SYBU: variants seen among roughly 807,000 people sequenced by gnomAD.
The protein encoded by SYBU is syntabulin.
A neutral mutation model predicts 35.9 loss-of-function variants in SYBU; 21 were observed. The observed-to-expected ratio is 0.58, with a 90% CI of 0.41 to 0.84. The LOEUF (loss-of-function observed/expected upper bound fraction) is 0.84. Ranked by LOEUF, SYBU falls within the 40% of genes least tolerant of loss-of-function variation. The probability of loss-of-function intolerance (pLI) is 0.00; values close to 1 mark genes in which losing one functional copy is unlikely to be tolerated. For synonymous variants in SYBU, 319 were observed against 324.3 expected (o/e 0.98, Z 0.18); for missense variants, 768 against 848.2 (o/e 0.91, Z 1.17).
chr8:109,626,886 G>A (rs551208894), intron 2 of SYBU, among the ~76,000 whole-genome samples: 14 of 152,244 alleles, frequency 9.2e-5, no homozygotes, highest in South Asian at 2.1e-4. Context: ...TTCTTACACC[G>A]ATTACAGGTA....
At chr8:109,686,975 T>C (rs1417520750) in intron 1 of SYBU, among the ~76,000 whole-genome samples, 1 of 152,176 alleles carries the variant, frequency 6.6e-6, no homozygotes, top group Non-Finnish European at 1.5e-5. Context: ...GTTTGGTTAA[T>C]TTAAAAGCTG....
chr8:109,608,380 T>TAAATTTTATGGCAAACAC (rs775027692), intron 3 of SYBU, among the ~76,000 whole-genome samples: 9 of 152,192 alleles, frequency 5.9e-5, no homozygotes, highest in Non-Finnish European at 1.2e-4. Context: ...CACACAGCCC[T>TAAATTTTATGGCAAACAC]AAATTTTATG....
chr8:109,678,228 G>C (rs1410257663), intron 1 of SYBU, among the ~76,000 whole-genome samples: 1 of 147,122 alleles, frequency 6.8e-6, no homozygotes, highest in Non-Finnish European at 1.5e-5. Flanking sequence ...CTCTTTTAAA[G>C]TTTACTTTTC....
intron 1 of SYBU, 28 bp downstream of exon 1, chr8:109,644,608 A>T: frequency 6.5e-7 from 1 of 1,543,964 alleles, no homozygotes; most frequent in East Asian, 2.4e-5. Context: ...CCCGCCCTCC[A>T]GTGCCCGCAC....
chr8:109,610,698 A>G (rs1351443870), intron 3 of SYBU, among the ~76,000 whole-genome samples: 1 of 152,228 alleles, frequency 6.6e-6, no homozygotes, highest in African/African-American at 2.4e-5. Context: ...AAATAATCCT[A>G]CAGTTCACCA....
intron 2 of SYBU, among the ~76,000 whole-genome samples, chr8:109,623,632 C>G (rs1812678585): frequency 6.6e-6 from 1 of 152,144 alleles, no homozygotes. Flanking sequence ...TATTTCCTCT[C>G]TCTTTACATT....
At chr8:109,608,469 A>G (rs972989592) in intron 3 of SYBU, among the ~76,000 whole-genome samples, 1 of 152,182 alleles carries the variant, frequency 6.6e-6, no homozygotes, top group African/African-American at 2.4e-5. Context: ...AGCTATTTAA[A>G]TATGCATGAC....
intron 2 of SYBU, among the ~76,000 whole-genome samples, chr8:109,627,541 G>A (rs1813123732): frequency 6.6e-6 from 1 of 152,164 alleles, no homozygotes; most frequent in South Asian, 2.1e-4. Context: ...TTGGGAAAAT[G>A]GAGGCTCAGA....
At chr8:109,647,009 C>T (rs549248728), upstream of SYBU, 9 of 152,244 alleles carry the variant, frequency 5.9e-5, no homozygotes, top group South Asian at 2.1e-4. Flanking sequence ...CCTTTCTCTC[C>T]GATCAGTGTC....
chr8:109,684,362 A>G (rs775640900), upstream of SYBU, among the ~76,000 whole-genome samples: 1 of 152,212 alleles, frequency 6.6e-6, no homozygotes, highest in Non-Finnish European at 1.5e-5. Flanking sequence ...ATGATTGATA[A>G]GTTTTCTGGA....
intron 1 of SYBU, among the ~76,000 whole-genome samples, chr8:109,661,333 G>T (rs80096691): frequency 0.019 from 2,933 of 152,242 alleles, 103 homozygotes; most frequent in African/African-American, 0.065. Flanking sequence ...ATTGAACTTT[G>T]TAAATAAAAA....
At chr8:109,665,773 C>T (rs1349241068) in intron 1 of SYBU, among the ~76,000 whole-genome samples, 1 of 152,194 alleles carries the variant, frequency 6.6e-6, no homozygotes, top group Non-Finnish European at 1.5e-5. Flanking sequence ...ATGATTCCTC[C>T]TGCTGGTACA....
chr8:109,671,351 G>A (rs1212639851), intron 1 of SYBU, among the ~76,000 whole-genome samples: 1 of 152,110 alleles, frequency 6.6e-6, no homozygotes, highest in East Asian at 1.9e-4. Flanking sequence ...GATAGAAGGA[G>A]TATACACACA....
At chr8:109,631,893 G>C (rs1291807666) in intron 2 of SYBU, among the ~76,000 whole-genome samples, 1 of 149,942 alleles carries the variant, frequency 6.7e-6, no homozygotes. Flanking sequence ...TTATGGGTTT[G>C]TTTGCAGTTT....
chr8:109,658,032 C>G (rs1816419329), intron 1 of SYBU, among the ~76,000 whole-genome samples: 1 of 152,184 alleles, frequency 6.6e-6, no homozygotes, highest in Non-Finnish European at 1.5e-5. Flanking sequence ...CTGTGGGTTT[C>G]TTTCTTCATT....
intron 3 of SYBU, among the ~76,000 whole-genome samples, chr8:109,592,502 G>T (rs1333522819): frequency 6.6e-6 from 1 of 152,196 alleles, no homozygotes; most frequent in Admixed American, 6.5e-5. Flanking sequence ...GAGCTAGGTA[G>T]CTTGGAAGGT....
chr8:109,599,602 C>A (rs1182854170), intron 3 of SYBU, among the ~76,000 whole-genome samples: 1 of 152,194 alleles, frequency 6.6e-6, no homozygotes, highest in African/African-American at 2.4e-5. Context: ...TCTGCTCTTT[C>A]CCATCCTGAA....
chr8:109,575,265 G>T lies in SYBU; in HGVS notation c.1633C>A (p.Pro545Thr). The T allele has an allele frequency of 6.2e-7, 1 of 1,614,180 alleles. No individual in the cohort carries two copies. Among genetic ancestry groups the T allele is most frequent in the Non-Finnish European group, 8.5e-7 (1 of 1,180,026 alleles). ...AGGATGGCTGAGTTTGGATTTCTTG[G>T]AGTTAAATCAACCACTAAGGCAGAG... ...SLSALVVDLT[P>T]RNPNSAILLS... Residue 545 changes from proline to threonine, a missense_variant, in exon 7 of 7, where the codon CCA (proline) becomes ACA (threonine). Transcript: ENST00000276646.
At chr8:109,654,047 C>T (rs189891360) in intron 1 of SYBU, among the ~76,000 whole-genome samples, 15 of 151,802 alleles carry the variant, frequency 9.9e-5, no homozygotes, top group African/African-American at 3.4e-4. Context: ...TGAACGTTAG[C>T]TATTTTTTTT....
Sources: allele counts gnomAD v4.1 joint callset (sites outside exome capture counted in the v4.1 genomes callset), GRCh38; gene constraint gnomAD v4.1.1; transcripts MANE v1.5; gene names NCBI Gene and HGNC (gene_info 2026-07-23, HGNC 2026-07-21).